The following ESRRB variants were observed in gnomAD, a reference collection of about 807,000 sequenced individuals.
ESRRB encodes estrogen related receptor beta.
ESRRB carries 16 observed loss-of-function variants against 46.0 expected under a neutral mutation model. The observed-to-expected ratio is 0.35, with a 90% CI of 0.24 to 0.53. ESRRB has a LOEUF of 0.53. ESRRB is among the 20% of genes least tolerant of loss of function. ESRRB has a pLI of 0.93. For missense variants in ESRRB, 488 were observed against 607.4 expected, an observed-to-expected ratio of 0.80 and a Z score of 2.07; for synonymous variants, 246 against 259.6, an observed-to-expected ratio of 0.95 and a Z score of 0.50.
chr14:76,464,306 C>T (rs1253462979), intron 3 of ESRRB, among the ~76,000 whole-genome samples: 1 of 152,230 alleles, frequency 6.6e-6, no homozygotes. Context: ...CCCCAGGGCA[C>T]TCCTGCTACC....
chr14:76,387,636 C>A (rs1885294041), intron 1 of ESRRB, among the ~76,000 whole-genome samples: 2 of 152,204 alleles, frequency 1.3e-5, no homozygotes, highest in Admixed American at 6.5e-5. Flanking sequence ...TGCCTGACCT[C>A]CAGACGGGCT....
chr14:76,332,663 T>A (rs1473964050), intron 1 of ESRRB, among the ~76,000 whole-genome samples: 13 of 29,780 alleles, frequency 4.4e-4, no homozygotes, highest in African/African-American at 1.6e-3. Flanking sequence ...AAATATATAT[T>A]ATATATATTT....
intron 1 of ESRRB, among the ~76,000 whole-genome samples, chr14:76,362,096 G>C (rs1174636196): frequency 6.6e-6 from 1 of 152,198 alleles, no homozygotes; most frequent in Admixed American, 6.5e-5. Context: ...TGAGAGACAG[G>C]CTCCCCTTCT....
intron 1 of ESRRB, among the ~76,000 whole-genome samples, chr14:76,338,397 G>A (rs942998597): frequency 2.6e-5 from 4 of 152,184 alleles, no homozygotes; most frequent in African/African-American, 7.2e-5. Flanking sequence ...AGCCCTGCCA[G>A]CCAGGAGAGC....
At chr14:76,336,687 A>G (rs543949469) in intron 1 of ESRRB, among the ~76,000 whole-genome samples, 1 of 152,278 alleles carries the variant, frequency 6.6e-6, no homozygotes, top group East Asian at 1.9e-4. Flanking sequence ...TGAAAGCTCA[A>G]CTGCAGGAGC....
At chr14:76,354,908 A>G (rs961086661) in intron 1 of ESRRB, among the ~76,000 whole-genome samples, 9 of 151,504 alleles carry the variant, frequency 5.9e-5, no homozygotes, top group African/African-American at 2.2e-4. Flanking sequence ...ATGAACGTTC[A>G]CCATGTTGGC....
At chr14:76,373,076 T>G (rs1884662132), upstream of ESRRB, among the ~76,000 whole-genome samples, 3 of 152,188 alleles carry the variant, frequency 2.0e-5, no homozygotes, top group East Asian at 5.8e-4. Flanking sequence ...TTTAAAGGCA[T>G]TTGTCACAAA....
At chr14:76,402,598 T>A (rs1039409755) in intron 1 of ESRRB, among the ~76,000 whole-genome samples, 1 of 152,228 alleles carries the variant, frequency 6.6e-6, no homozygotes, top group Non-Finnish European at 1.5e-5. Context: ...TGTCCATGAC[T>A]GGGGCTGTGG....
chr14:76,368,271 C>T (rs188684529), upstream of ESRRB, among the ~76,000 whole-genome samples: 2 of 152,148 alleles, frequency 1.3e-5, no homozygotes, highest in Non-Finnish European at 1.5e-5. Flanking sequence ...CTGAGCCCGG[C>T]CCCAGTATGC....
intron 1 of ESRRB, among the ~76,000 whole-genome samples, chr14:76,326,738 C>T (rs1883934842): frequency 6.6e-6 from 1 of 152,238 alleles, no homozygotes; most frequent in Admixed American, 6.5e-5. Context: ...ACTCCCTCCT[C>T]CTCTCCCAAT....
At chr14:76,327,171 A>G (rs1040917989) in intron 1 of ESRRB, among the ~76,000 whole-genome samples, 6 of 152,250 alleles carry the variant, frequency 3.9e-5, no homozygotes, top group Admixed American at 6.5e-5. Flanking sequence ...ATTCTCAACC[A>G]AGAGGCCTGG....
intron 1 of ESRRB, among the ~76,000 whole-genome samples, chr14:76,365,212 C>G (rs1398266158): frequency 6.6e-6 from 1 of 152,212 alleles, no homozygotes; most frequent in Non-Finnish European, 1.5e-5. Flanking sequence ...TGGTGGCTCA[C>G]GCCTGTCATC....
chr14:76,433,036 CCACCCTTAAGAATCA>C (rs1012722193), intron 1 of ESRRB, among the ~76,000 whole-genome samples: 19 of 152,152 alleles, frequency 1.2e-4, no homozygotes, highest in Admixed American at 1.1e-3. Context: ...CAGTAGGACC[CCACCCTTAAGAATCA>C]CACCCTTAAG....
intron 2 of ESRRB, among the ~76,000 whole-genome samples, chr14:76,446,946 C>T (rs1381775464): frequency 6.6e-6 from 1 of 152,160 alleles, no homozygotes; most frequent in African/African-American, 2.4e-5. Flanking sequence ...TTTGTAATAA[C>T]CTTGACCCTG....
intron 1 of ESRRB, among the ~76,000 whole-genome samples, chr14:76,393,210 G>C (rs1030882962): frequency 4.6e-5 from 7 of 152,176 alleles, no homozygotes; most frequent in African/African-American, 1.4e-4. Flanking sequence ...TCTCGCAGGA[G>C]ACCCTGTAGG....
intron 2 of ESRRB, among the ~76,000 whole-genome samples, chr14:76,448,199 C>T (rs1404637374): frequency 2.0e-5 from 3 of 152,126 alleles, no homozygotes; most frequent in African/African-American, 7.2e-5. Flanking sequence ...CCTCTCATTC[C>T]TCCTGGATGC....
chr14:76,371,195 A>C (rs571040593), upstream of ESRRB, among the ~76,000 whole-genome samples: 14 of 152,360 alleles, frequency 9.2e-5, no homozygotes, highest in Non-Finnish European at 1.6e-4. Flanking sequence ...GCAGGAGACT[A>C]TTATGAGAGC....
At position 76,491,744 on chromosome 14, in the gene ESRRB, G is replaced by A. The variant is rs1595172230; in HGVS notation, c.1120+28G>A. On this transcript the variant is annotated intron_variant, in intron 6 of 6. Coordinates refer to ENST00000644823, the MANE Select transcript of ESRRB (RefSeq NM_001379180.1). ...AAGGGCGGCGGCGGGGCCTGGAAGGGGAGCTTCTAGGGCTCTGCATGGGCC... is the reference window on the plus strand; with the variant it reads ...AAGGGCGGCGGCGGGGCCTGGAAGGAGAGCTTCTAGGGCTCTGCATGGGCC... 9 of 1,553,820 alleles carry A rather than the reference G, an allele frequency of 5.8e-6. No homozygotes were observed. The Admixed American group carries it at 1.4e-4, about 24-fold the overall frequency.
intron 1 of ESRRB, among the ~76,000 whole-genome samples, chr14:76,344,052 G>A (rs557244992): frequency 3.2e-4 from 48 of 152,320 alleles, no homozygotes; most frequent in African/African-American, 1.0e-3. Context: ...TTTGAATGGT[G>A]CCTGCGGCAA....
Sources: allele counts gnomAD v4.1 joint callset (sites outside exome capture counted in the v4.1 genomes callset), GRCh38; gene constraint gnomAD v4.1.1; transcripts MANE v1.5; gene names NCBI Gene and HGNC (gene_info 2026-07-23, HGNC 2026-07-21).